Variants in CFAP54 observed in about 807,000 individuals in gnomAD.
The protein encoded by CFAP54 is cilia and flagella associated protein 54, also known as cilia- and flagella-associated protein 54.
CFAP54 carries 290 observed loss-of-function variants against 370.4 expected under a neutral mutation model. The observed-to-expected ratio is 0.78, with a 90% CI of 0.71 to 0.86. CFAP54 has a LOEUF of 0.86. CFAP54 is among the 40% of genes least tolerant of loss of function. CFAP54 has a pLI of 0.00. For missense variants in CFAP54, 3,399 were observed against 3,528.7 expected, an observed-to-expected ratio of 0.96 and a Z score of 0.93; for synonymous variants, 1,206 against 1,236.5, an observed-to-expected ratio of 0.98 and a Z score of 0.52.
chr12:96,771,408 T>G (rs1958458771), intron 60 of CFAP54, among the ~76,000 whole-genome samples: 1 of 152,182 alleles, frequency 6.6e-6, no homozygotes, highest in South Asian at 2.1e-4. Flanking sequence ...ATCCCAGCAC[T>G]TTGGGAGGCC....
At chr12:96,638,251 A>T (rs1028552334) in intron 32 of CFAP54, among the ~76,000 whole-genome samples, 1 of 145,328 alleles carries the variant, frequency 6.9e-6, no homozygotes, top group African/African-American at 2.5e-5. Context: ...GTATATATAT[A>T]TATATTTATT....
chr12:96,664,622 A>ATGTG (rs55839375), intron 39 of CFAP54, among the ~76,000 whole-genome samples: 5,999 of 115,040 alleles, frequency 0.052, 359 homozygotes, highest in East Asian at 0.16. Flanking sequence ...CCAAGAACGT[A>ATGTG]TGTGTGTGTG....
At chr12:96,564,821 A>G (rs1265127150) in intron 19 of CFAP54, 56 bp downstream of exon 19, 5 of 539,354 alleles carry the variant, frequency 9.3e-6, no homozygotes, top group African/African-American at 3.9e-5. Flanking sequence ...GTTAAAATGA[A>G]TGATTCATTT....
chr12:96,825,278 A>G, intron 65 of CFAP54, among the ~76,000 whole-genome samples: 1 of 129,510 alleles, frequency 7.7e-6, no homozygotes, highest in Non-Finnish European at 1.6e-5. Flanking sequence ...ATAACATGTT[A>G]TATTATATAT....
At chr12:96,604,147 T>A (rs1281688907) in intron 26 of CFAP54, among the ~76,000 whole-genome samples, 1 of 152,230 alleles carries the variant, frequency 6.6e-6, no homozygotes, top group African/African-American at 2.4e-5. Context: ...TTGGTGTGGA[T>A]GCCCTTTTTG....
chr12:96,492,988 C>T (rs989485339), intron 1 of CFAP54, among the ~76,000 whole-genome samples: 3 of 138,638 alleles, frequency 2.2e-5, no homozygotes, highest in Non-Finnish European at 4.7e-5. Flanking sequence ...GAATGAGACT[C>T]TGTCTCAAAA....
At chr12:96,652,063 T>A (rs1035793440) in intron 36 of CFAP54, among the ~76,000 whole-genome samples, 6 of 152,134 alleles carry the variant, frequency 3.9e-5, no homozygotes, top group Non-Finnish European at 7.4e-5. Flanking sequence ...AGCCCCTACA[T>A]AAATTTGCCT....
In CFAP54 at chr12:96,554,417, A is replaced by C. The variant is rs149907216; in HGVS notation, c.2283+107A>C. On this transcript the variant is annotated intron_variant, in intron 16 of 67. Coordinates refer to ENST00000524981, the MANE Select transcript of CFAP54 (RefSeq NM_001306084.2). Reference sequence around the variant, plus strand: ...CATGACTTGTGTTGGCTTACCTCTCATAGGCCAGAAATATATTTCCCTCTT... The same window carrying C: ...CATGACTTGTGTTGGCTTACCTCTCCTAGGCCAGAAATATATTTCCCTCTT... 1,338 of 1,308,232 alleles carry C rather than the reference A, an allele frequency of 1.0e-3. 16 individuals are homozygous for C. The African/African-American group carries it at 0.018, about 18-fold the overall frequency. The allele number at this position is 1,308,232 out of a possible 1,614,324, so 81.0% of individuals were successfully genotyped here.
chr12:96,838,064 T>C (rs1361661796), intron 66 of CFAP54, among the ~76,000 whole-genome samples: 2 of 152,220 alleles, frequency 1.3e-5, no homozygotes, highest in Non-Finnish European at 2.9e-5. Context: ...TTTTAATTGC[T>C]TTGGAAAATG....
In CFAP54 at chr12:96,621,701, C is replaced by G; in HGVS notation, c.3751C>G (p.Gln1251Glu). The change falls in exon 27 of 68, where the codon CAA (glutamine) becomes GAA (glutamate). Residue 1251 changes from glutamine to glutamate, a missense_variant. By Grantham distance (29) the Gln-to-Glu change is conservative. Coordinates refer to ENST00000524981, the MANE Select transcript of CFAP54 (RefSeq NM_001306084.2). ...GTCTCTGTTTGATGGTAGTAATGAACAAGAAGAAATGCCAGAGGAGGTAAT... is the reference window on the plus strand; with the variant it reads ...GTCTCTGTTTGATGGTAGTAATGAAGAAGAAGAAATGCCAGAGGAGGTAAT... ...CKSLFDGSNE[Q>E]EEMPEEDSSK... The G allele has an allele frequency of 2.0e-6, 3 of 1,523,270 alleles. No individual in the cohort carries two copies. Among genetic ancestry groups the G allele is most frequent in the Admixed American group, 2.0e-5 (1 of 49,882 alleles). The allele number at this position is 1,523,270 out of a possible 1,614,324, so 94.4% of individuals were successfully genotyped here. A position where few individuals can be genotyped will look rare whatever the true frequency, so the allele number is the denominator to read the frequency against.
chr12:96,793,765 G>T (rs1482737994), intron 63 of CFAP54, among the ~76,000 whole-genome samples: 1 of 152,070 alleles, frequency 6.6e-6, no homozygotes, highest in Non-Finnish European at 1.5e-5. Context: ...GAACAAGATG[G>T]TATTTGCATT....
chr12:96,573,103 T>C (rs927054479), intron 19 of CFAP54: 15 of 893,554 alleles, frequency 1.7e-5, no homozygotes, highest in Non-Finnish European at 1.9e-5. Context: ...GCTGCTGGTA[T>C]ATTTTACAGG....
intron 39 of CFAP54, among the ~76,000 whole-genome samples, chr12:96,675,330 T>G (rs1243692833): frequency 6.6e-6 from 1 of 152,030 alleles, no homozygotes; most frequent in African/African-American, 2.4e-5. Flanking sequence ...AAAAGACACA[T>G]GAAAAAATGC....
chr12:96,614,728 A>G (rs1462562048), intron 26 of CFAP54, among the ~76,000 whole-genome samples: 1 of 152,236 alleles, frequency 6.6e-6, no homozygotes, highest in Admixed American at 6.5e-5. Context: ...TAACAGACAA[A>G]CAGCCAAATC....
intron 12 of CFAP54, among the ~76,000 whole-genome samples, chr12:96,538,037 G>T (rs1444665653): frequency 1.3e-5 from 2 of 152,008 alleles, no homozygotes; most frequent in African/African-American, 2.4e-5. Flanking sequence ...GTGAGATTGC[G>T]AGCCGAGATC....
At chr12:96,566,540 C>T (rs1010656586) in intron 19 of CFAP54, among the ~76,000 whole-genome samples, 8 of 151,908 alleles carry the variant, frequency 5.3e-5, no homozygotes, top group South Asian at 2.1e-4. Context: ...GCTTTAAAAA[C>T]GTGGATACAG....
intron 67 of CFAP54, among the ~76,000 whole-genome samples, chr12:96,867,960 T>C (rs1217083553): frequency 1.3e-5 from 2 of 152,200 alleles, no homozygotes; most frequent in Admixed American, 1.3e-4. Flanking sequence ...GATTTACCTA[T>C]TCTATAATAA....
intron 39 of CFAP54, among the ~76,000 whole-genome samples, chr12:96,677,410 C>T (rs1820904646): frequency 6.6e-6 from 1 of 152,202 alleles, no homozygotes; most frequent in South Asian, 2.1e-4. Context: ...TTTTCCTGAT[C>T]TCATTCTCTA....
chr12:96,497,470 A>C (rs928681857), intron 1 of CFAP54, among the ~76,000 whole-genome samples: 1 of 152,222 alleles, frequency 6.6e-6, no homozygotes, highest in Non-Finnish European at 1.5e-5. Flanking sequence ...GCTCAGAAAT[A>C]GACTCACATA....
Sources: allele counts gnomAD v4.1 joint callset (sites outside exome capture counted in the v4.1 genomes callset), GRCh38; gene constraint gnomAD v4.1.1; transcripts MANE v1.5; gene names NCBI Gene and HGNC (gene_info 2026-07-23, HGNC 2026-07-21).